The following BRD8 variants were observed in gnomAD, a reference collection of about 807,000 sequenced individuals.
BRD8 encodes bromodomain containing 8.
In BRD8, 67 loss-of-function variants were observed where a neutral mutation model predicts 143.1. That is an observed-to-expected ratio of 0.47 (90% CI 0.38 to 0.57). BRD8 has a LOEUF of 0.57. BRD8 is among the 20% of genes least tolerant of loss of function. The probability of loss-of-function intolerance (pLI) is 0.00; values close to 1 mark genes in which losing one functional copy is unlikely to be tolerated. For synonymous variants in BRD8, 505 were observed against 517.1 expected, an observed-to-expected ratio of 0.98 and a Z score of 0.32; for missense variants, 1,103 against 1,503.0, an observed-to-expected ratio of 0.73 and a Z score of 4.40.
At chr5:138,149,300 G>T (rs888929693) in intron 23 of BRD8, among the ~76,000 whole-genome samples, 2 of 151,534 alleles carry the variant, frequency 1.3e-5, no homozygotes, top group African/African-American at 4.8e-5. Flanking sequence ...TTTTTATTTT[G>T]TAGAGGCATG....
intron 20 of BRD8, chr5:138,157,162 T>C: frequency 1.2e-6 from 2 of 1,608,738 alleles, no homozygotes; most frequent in Non-Finnish European, 1.7e-6. Context: ...CTCTATCTTG[T>C]TTACTTTTAT....
At position 138,139,926 on chromosome 5, in the gene BRD8, G is replaced by A. The variant is rs1751837866; in HGVS notation, c.*148C>T. 8.2e-6 allele frequency: 5 copies of A among 612,564 alleles called. No homozygotes were observed. The Admixed American group carries it at 1.5e-4, about 18-fold the overall frequency. The allele number at this position is 612,564 out of a possible 1,614,324, so 37.9% of individuals were successfully genotyped here. ...TTTTTTCTTTATATTATGTCCACAT[G>A]CATCTTTGACTCGTTGGTTGTGAGT... On this transcript the variant is annotated 3_prime_UTR_variant, in exon 27 of 27. Coordinates refer to ENST00000254900, the MANE Select transcript of BRD8 (RefSeq NM_139199.2).
chr5:138,154,673 CTG>C (rs1752504387), intron 20 of BRD8, among the ~76,000 whole-genome samples: 1 of 152,160 alleles, frequency 6.6e-6, no homozygotes, highest in Non-Finnish European at 1.5e-5. Context: ...GCAAAAAGAT[CTG>C]TGACTTCTAA....
intron 7 of BRD8, 152 bp from the exon 8 acceptor site, chr5:138,169,510 G>C: frequency 2.4e-6 from 2 of 820,138 alleles, no homozygotes; most frequent in Non-Finnish European, 3.6e-6. Flanking sequence ...AACACTTCTA[G>C]AGATGGATAA....
rs1753335771 is a variant in BRD8 at position 138,165,577 on chromosome 5, T to C, written c.1278+251A>G. Among the ~76,000 whole-genome samples the C allele has an allele frequency of 5.3e-5, 8 of 151,984 alleles. No individual in the cohort carries two copies. The South Asian group carries it at 1.5e-3, about 28-fold the overall frequency. On this transcript the variant is annotated intron_variant, in intron 11 of 26. Transcript: ENST00000254900. ...TCATCTCTACTAAAAATACAAAAAA[T>C]TAGTGAGGCGTGGTGGCATGTGCCT...
At position 138,150,904 on chromosome 5, in the gene BRD8, G is replaced by C; in HGVS notation, c.2961C>G (p.Ser987Arg). Residue 987 changes from serine to arginine, a missense_variant, in exon 22 of 27, where the codon AGC (serine) becomes AGG (arginine). Physicochemically the swap from Ser to Arg is moderately radical, Grantham distance 110 (BLOSUM62 -1). Coordinates refer to ENST00000254900, the MANE Select transcript of BRD8 (RefSeq NM_139199.2). ...CTCTGCAGAGCTCCCTTTCTCCTTC[G>C]CTAGCTTTAATTTCCCTTCCTTCTT... ...TRQEGREIKA[S>R]EGERELCRET... 1 of 1,614,048 alleles carries C rather than the reference G, an allele frequency of 6.2e-7. No homozygotes were observed.
At chr5:138,147,430 G>GA (rs537682154) in intron 23 of BRD8, among the ~76,000 whole-genome samples, 69 of 144,124 alleles carry the variant, frequency 4.8e-4, no homozygotes, top group South Asian at 1.7e-3. Context: ...ATATACTGAA[G>GA]AAAAAAAAAA....
At chr5:138,177,519 A>G in intron 2 of BRD8, 52 bp downstream of exon 2, 2 of 1,017,560 alleles carry the variant, frequency 2.0e-6, no homozygotes, top group Non-Finnish European at 3.1e-6. Flanking sequence ...GATGTGAAAG[A>G]GTATCTAACA....
intron 14 of BRD8, chr5:138,163,628 G>A (rs1190359756): frequency 5.0e-6 from 7 of 1,413,696 alleles, no homozygotes; most frequent in South Asian, 3.7e-5. Flanking sequence ...CCCCTTGCTC[G>A]AGAGTAACTC....
chr5:138,145,375 A>G lies in BRD8; in HGVS notation c.3369-130T>C, dbSNP rs559576491. The G allele has an allele frequency of 4.8e-4, 339 of 709,900 alleles. 1 individual carries two copies. The highest frequency in any genetic ancestry group is 6.2e-4 in the Non-Finnish European group (264 of 425,526). 44.0% of individuals were successfully genotyped at this position (709,900 alleles called of 1,614,324 possible). ...TGTCAGCACCATTAGGAAAAAATCT[A>G]TTTGTTCCCTCTTGCCAGAGAGTTA... is the stretch of plus-strand genomic sequence containing the variant. On this transcript the variant is annotated intron_variant, in intron 24 of 26. Transcript: ENST00000254900.
At chr5:138,150,312 T>A (rs1461611082) in intron 22 of BRD8, among the ~76,000 whole-genome samples, 2 of 152,076 alleles carry the variant, frequency 1.3e-5, no homozygotes, top group Non-Finnish European at 2.9e-5. Context: ...CTCCCTGTAT[T>A]GCCCAGACTG....
intron 2 of BRD8, among the ~76,000 whole-genome samples, chr5:138,176,947 GC>G (rs1754384059): frequency 6.6e-6 from 1 of 151,872 alleles, no homozygotes; most frequent in Admixed American, 6.6e-5. Context: ...AATTAGCTGG[GC>G]ATGGTGGTGT....
intron 21 of BRD8, 132 bp downstream of exon 21, chr5:138,152,350 G>A: frequency 2.4e-6 from 3 of 1,264,750 alleles, no homozygotes; most frequent in Non-Finnish European, 3.3e-6. Context: ...ACATAGCAAT[G>A]AACTTAATCC....
chr5:138,165,917 C>A lies in BRD8; in HGVS notation c.1189G>T (p.Ala397Ser). Residue 397 changes from alanine (A) to serine (S), a missense_variant, in exon 11 of 27, where the codon GCT becomes TCT. By Grantham distance (99) the Ala-to-Ser change is moderately conservative. Around this residue, in one of 7 missense-constraint regions of BRD8, gnomAD observed 334 missense variants for 372.5 expected, o/e 0.90. Coordinates refer to ENST00000254900, the MANE Select transcript of BRD8 (RefSeq NM_139199.2). ...SIDGKEELDL[A>S]EKMDIAVSYT... Reference sequence around the variant, plus strand: ...GACACAGCAATATCCATCTTCTCAGCCAGATCTAATTCTTCCTTCCCATCT... The same window carrying A: ...GACACAGCAATATCCATCTTCTCAGACAGATCTAATTCTTCCTTCCCATCT... The A allele has an allele frequency of 6.2e-7, 1 of 1,614,208 alleles. No homozygotes were observed. The highest frequency in any genetic ancestry group is 8.5e-7 in the Non-Finnish European group (1 of 1,180,038).
At position 138,160,906 on chromosome 5, in the gene BRD8, G is replaced by C. The variant is rs769113683; in HGVS notation, c.2412C>G (p.Val804=). The part of the protein sequence containing the change: ...YHMAVEMQRD[V]LEQIQQFLAT... The stretch of plus-strand genomic sequence containing the variant: ...CTCAAAGTACCTGGATCTGTTCCAA[G>C]ACATCTCGCTGCATCTCCACTGCCA... The change falls in exon 18 of 27, where the codon GTC becomes GTG. Residue 804 remains valine (V), a synonymous_variant. Coordinates refer to ENST00000254900, the MANE Select transcript of BRD8 (RefSeq NM_139199.2). The C allele has an allele frequency of 3.7e-6, 6 of 1,608,074 alleles. No individual in the cohort carries two copies. In the African/African-American group the frequency reaches 8.0e-5, roughly 22 times the overall value.
rs745810308 is a variant in BRD8 at position 138,165,989 on chromosome 5, G to C, written c.1117C>G (p.Arg373Gly). Residue 373 changes from arginine to glycine, a missense_variant, in exon 11 of 27, where the codon CGA becomes GGA. Arg to Gly is a moderately radical substitution (Grantham distance 125). This residue lies in a region of BRD8 where 334 missense variants were observed against 372.5 expected (regional missense o/e 0.90). Coordinates refer to ENST00000254900, the MANE Select transcript of BRD8 (RefSeq NM_139199.2). ...ACAGGAGCCTCTGCTACCCCTGATC[G>C]AAAACACTCTTCTTTGATAGAATTG... Reference protein sequence around the residue: ...IINSIKEECFRSGVAEAPVGS... With the variant: ...IINSIKEECFGSGVAEAPVGS... 1 of 1,614,090 alleles carries C rather than the reference G, an allele frequency of 6.2e-7. No individual in the cohort carries two copies. The highest frequency in any genetic ancestry group is 8.5e-7 in the Non-Finnish European group (1 of 1,180,032).
At chr5:138,174,591 C>CAA (rs76909663) in intron 2 of BRD8, among the ~76,000 whole-genome samples, 43 of 114,712 alleles carry the variant, frequency 3.7e-4, no homozygotes, top group Admixed American at 1.7e-3. Flanking sequence ...GACTCCATCT[C>CAA]AAAAAAAAAA....
chr5:138,140,755 C>G lies in BRD8; in HGVS notation c.3565G>C (p.Val1189Leu). 6.2e-7 allele frequency: 1 copy of G among 1,614,186 alleles called. No individual in the cohort carries two copies. The highest frequency in any genetic ancestry group is 8.5e-7 in the Non-Finnish European group (1 of 1,180,024). ...AVMYNDSDHH[V>L]YHMAVEMRQE... is the part of the protein sequence containing the mutation. ...CGCATCTCCACAGCCATATGGTATA[C>G]ATGATGATCAGAGTCATTGTACATT... The change falls in exon 26 of 27, where the codon GTA becomes CTA. Residue 1189 changes from valine (V) to leucine (L), a missense_variant. Coordinates refer to ENST00000254900, the MANE Select transcript of BRD8 (RefSeq NM_139199.2).
chr5:138,147,332 A>T (rs1752194477), intron 23 of BRD8, among the ~76,000 whole-genome samples: 1 of 150,302 alleles, frequency 6.7e-6, no homozygotes, highest in African/African-American at 2.4e-5. Context: ...ATATAAATAT[A>T]TGCATGGTTC....
Sources: allele counts gnomAD v4.1 joint callset (sites outside exome capture counted in the v4.1 genomes callset), GRCh38; gene constraint gnomAD v4.1.1; regional missense constraint gnomAD v4.1.1; transcripts MANE v1.5; gene names NCBI Gene and HGNC (gene_info 2026-07-23, HGNC 2026-07-21).